ABCA13: variants seen among roughly 807,000 people sequenced by gnomAD.
ABCA13 encodes ATP-binding cassette sub-family A member 13.
In ABCA13, 476 loss-of-function variants were observed where a neutral mutation model predicts 478.7. The ratio of observed to expected loss-of-function variants is 0.99; its 90% CI spans 0.92 to 1.07. The LOEUF is 1.07. Among genes scored for constraint, ABCA13 ranks in the 50% least tolerant of loss-of-function variants. ABCA13 has a pLI of 0.00. For missense variants in ABCA13, 6,060 were observed against 5,910.6 expected (o/e 1.03, Z -0.83); for synonymous variants, 2,252 against 2,158.9 (o/e 1.04, Z -1.20).
At chr7:48,540,385 A>C (rs576224350) in intron 55 of ABCA13, among the ~76,000 whole-genome samples, 1 of 152,298 alleles carries the variant, frequency 6.6e-6, no homozygotes, top group Admixed American at 6.5e-5. Flanking sequence ...ACATACAAAT[A>C]ATGGTCTGCA....
chr7:48,510,197 T>C (rs1831553933), intron 50 of ABCA13, among the ~76,000 whole-genome samples: 1 of 152,156 alleles, frequency 6.6e-6, no homozygotes, highest in Non-Finnish European at 1.5e-5. Context: ...TGACTGGGTC[T>C]GTTGAAAGAA....
chr7:48,606,317 C>T (rs1314209853), intron 58 of ABCA13, among the ~76,000 whole-genome samples: 6 of 152,238 alleles, frequency 3.9e-5, no homozygotes, highest in Middle Eastern at 3.4e-3. Flanking sequence ...AATTTTCAAG[C>T]CTTTTTGCTC....
intron 2 of ABCA13, among the ~76,000 whole-genome samples, chr7:48,197,816 G>A (rs1798140396): frequency 6.6e-6 from 1 of 152,116 alleles, no homozygotes; most frequent in Non-Finnish European, 1.5e-5. Context: ...CTTGCATTAA[G>A]CTTGAAGTTT....
intron 2 of ABCA13, among the ~76,000 whole-genome samples, chr7:48,194,346 G>T (rs1797645871): frequency 1.3e-5 from 1 of 75,026 alleles, no homozygotes. Context: ...TGATGGTAAT[G>T]ATTACGATGG....
intron 27 of ABCA13, among the ~76,000 whole-genome samples, chr7:48,330,443 CCATCTATT>C (rs1486526063): frequency 6.7e-6 from 1 of 148,792 alleles, no homozygotes; most frequent in Non-Finnish European, 1.5e-5. Context: ...ATCCACACAC[CCATCTATT>C]CATCTATTCA....
chr7:48,440,024 T>G (rs1182538156), intron 42 of ABCA13, among the ~76,000 whole-genome samples: 1 of 152,204 alleles, frequency 6.6e-6, no homozygotes, highest in Non-Finnish European at 1.5e-5. Context: ...TCATATTTAT[T>G]AGCCATTTGC....
In ABCA13 at chr7:48,372,170, T is replaced by A. The variant is rs1563140619; in HGVS notation, c.10806T>A (p.Tyr3602Ter). 6.2e-7 allele frequency: 1 copy of A among 1,611,320 alleles called. No individual in the cohort carries two copies. The highest frequency in any genetic ancestry group is 1.7e-5 in the Admixed American group (1 of 59,806). ...VYEQEIQIEE[Y>*]MRMMGVHPVI... is the part of the protein sequence containing the mutation. ...TGGGTTTTTTCTCTTTTTGGTAGTA[T>A]ATGCGGATGATGGGAGTGCATCCAG... is the stretch of plus-strand genomic sequence containing the variant. Residue 3602 changes from tyrosine (Y) to a stop codon, truncating the protein, a stop_gained and splice_region_variant, in exon 33 of 62, where the codon TAT becomes TAA. Coordinates refer to ENST00000435803, the MANE Select transcript of ABCA13 (RefSeq NM_152701.5). LOFTEE classifies it high-confidence loss of function.
chr7:48,230,818 C>T (rs1788953516), intron 7 of ABCA13, among the ~76,000 whole-genome samples: 1 of 152,212 alleles, frequency 6.6e-6, no homozygotes, highest in Non-Finnish European at 1.5e-5. Flanking sequence ...CATTCATCTA[C>T]TCACCAACCC....
intron 48 of ABCA13, among the ~76,000 whole-genome samples, chr7:48,504,196 C>A (rs1186989409): frequency 6.6e-6 from 1 of 152,098 alleles, no homozygotes; most frequent in African/African-American, 2.4e-5. Context: ...TGATAGCAAT[C>A]CAGCTTTTCA....
At chr7:48,497,113 T>C (rs1830346524) in intron 48 of ABCA13, among the ~76,000 whole-genome samples, 1 of 152,034 alleles carries the variant, frequency 6.6e-6, no homozygotes, top group Non-Finnish European at 1.5e-5. Context: ...CTTTCCTGAG[T>C]CTCATTTTTT....
intron 55 of ABCA13, among the ~76,000 whole-genome samples, chr7:48,558,630 C>A (rs1786118101): frequency 6.7e-6 from 1 of 148,684 alleles, no homozygotes; most frequent in African/African-American, 2.5e-5. Context: ...AGAATTACTT[C>A]TTGATTCTTT....
At chr7:48,622,074 C>A (rs1793193063) in intron 59 of ABCA13, among the ~76,000 whole-genome samples, 1 of 152,128 alleles carries the variant, frequency 6.6e-6, no homozygotes, top group Non-Finnish European at 1.5e-5. Context: ...CCCTTCTTCT[C>A]TCCCACCCTT....
chr7:48,255,982 A>G (rs1793332850), intron 15 of ABCA13, among the ~76,000 whole-genome samples: 1 of 151,828 alleles, frequency 6.6e-6, no homozygotes, highest in Non-Finnish European at 1.5e-5. Context: ...TTACTTTTTG[A>G]CTTTTTAATG....
chr7:48,575,103 T>A (rs2131339658), intron 55 of ABCA13, among the ~76,000 whole-genome samples: 1 of 152,232 alleles, frequency 6.6e-6, no homozygotes, highest in East Asian at 1.9e-4. Context: ...TGGTACATAC[T>A]TAGACTTAAC....
intron 59 of ABCA13, among the ~76,000 whole-genome samples, chr7:48,624,669 C>T (rs1241965640): frequency 2.0e-5 from 3 of 151,908 alleles, no homozygotes; most frequent in Non-Finnish European, 4.4e-5. Flanking sequence ...GATTCTCCTG[C>T]CTTAGCCTCC....
chr7:48,294,693 G>A (rs1320365975), intron 20 of ABCA13, among the ~76,000 whole-genome samples: 1 of 151,702 alleles, frequency 6.6e-6, no homozygotes, highest in African/African-American at 2.4e-5. Flanking sequence ...TGATCCACCC[G>A]CCTCGGCCTC....
intron 41 of ABCA13, among the ~76,000 whole-genome samples, chr7:48,427,561 C>T (rs1165510233): frequency 6.6e-6 from 1 of 152,182 alleles, no homozygotes; most frequent in Non-Finnish European, 1.5e-5. Context: ...AAGTTTCATT[C>T]ATCTTTGCAT....
intron 42 of ABCA13, among the ~76,000 whole-genome samples, chr7:48,438,867 A>G (rs7794355): frequency 0.29 from 43,952 of 149,798 alleles, 6,553 homozygotes; most frequent in East Asian, 0.37. Context: ...ATAACTGCAG[A>G]AGACAATTTT....
chr7:48,634,826 C>G (rs1794492660), intron 59 of ABCA13, among the ~76,000 whole-genome samples: 1 of 152,008 alleles, frequency 6.6e-6, no homozygotes, highest in African/African-American at 2.4e-5. Flanking sequence ...GGAATGTTGT[C>G]CCTTCATTTT....
Sources: gnomAD v4.1 joint callset for allele counts (sites outside exome capture counted in the v4.1 genomes callset) on GRCh38, gnomAD v4.1.1 for gene constraint, MANE v1.5 for transcripts, NCBI Gene and HGNC (gene_info 2026-07-23, HGNC 2026-07-21) for gene names.